The following VPS13C variants were observed in gnomAD, a reference collection of about 807,000 sequenced individuals.
VPS13C encodes the protein intermembrane lipid transfer protein VPS13C.
In VPS13C, 358 loss-of-function variants were observed where a neutral mutation model predicts 456.8. The ratio of observed to expected loss-of-function variants is 0.78; its 90% CI spans 0.72 to 0.86. The LOEUF (loss-of-function observed/expected upper bound fraction) is 0.86, where lower values mean the gene tolerates loss of function less well. Among genes scored for constraint, VPS13C ranks in the 40% least tolerant of loss-of-function variants. The pLI is 0.00. For missense variants in VPS13C, 4,818 were observed against 4,385.4 expected, an observed-to-expected ratio of 1.10 and a Z score of -2.79; for synonymous variants, 1,578 against 1,486.7, an observed-to-expected ratio of 1.06 and a Z score of -1.41.
chr15:61,922,284 T>G, intron 54 of VPS13C, 113 bp downstream of exon 54: 1 of 1,307,488 alleles, frequency 7.6e-7, no homozygotes, highest in East Asian at 2.3e-5. Flanking sequence ...GAACACACTA[T>G]CTATTCACAT....
intron 15 of VPS13C, among the ~76,000 whole-genome samples, chr15:62,003,140 C>T (rs1296294359): frequency 2.6e-5 from 4 of 152,050 alleles, no homozygotes; most frequent in African/African-American, 7.3e-5. Flanking sequence ...ATTGATTCTT[C>T]CTATCCATGA....
chr15:61,877,153 T>TGTGAAAGAATTGG, intron 74 of VPS13C, 99 bp from the exon 75 acceptor site: 1 of 789,140 alleles, frequency 1.3e-6, no homozygotes, highest in Non-Finnish European at 2.0e-6. Context: ...CATAGCCAAT[T>TGTGAAAGAATTGG]CTTTCACAAT....
In VPS13C at chr15:61,947,412, G is replaced by C; in HGVS notation, c.4760-103C>G. 4 of 762,806 alleles carry C rather than the reference G, an allele frequency of 5.2e-6. No homozygotes were observed. The East Asian group carries it at 1.2e-4, about 22-fold the overall frequency. 47.3% of individuals were successfully genotyped at this position (762,806 alleles called of 1,614,324 possible). A position where few individuals can be genotyped will look rare whatever the true frequency, so the allele number is the denominator to read the frequency against. On this transcript the variant is annotated intron_variant, in intron 42 of 84. Coordinates refer to ENST00000644861, the MANE Select transcript of VPS13C (RefSeq NM_020821.3). Reference sequence around the variant, plus strand: ...AATAAAAGTACCCAATGTACTCTGAGGAACCAAAATGCCCTCCATTAAGAT... The same window carrying C: ...AATAAAAGTACCCAATGTACTCTGACGAACCAAAATGCCCTCCATTAAGAT...
intron 52 of VPS13C, among the ~76,000 whole-genome samples, chr15:61,926,254 A>G (rs2043845418): frequency 1.3e-5 from 2 of 152,160 alleles, no homozygotes; most frequent in African/African-American, 4.8e-5. Flanking sequence ...TAATTAAAAA[A>G]CAAAAACAAA....
chr15:62,007,345 T>A lies in VPS13C; in HGVS notation c.1253A>T (p.Gln418Leu). ...CTGTATTTCTTCTGAGACTTTAGAC[T>A]GTGTTAACTTGTTTTTGTAGGCAAT... ...YKIAYKNKLT[Q>L]SKVSEEIQKE... Residue 418 changes from glutamine (Q) to leucine (L), a missense_variant, in exon 15 of 85, where the codon CAG (glutamine) becomes CTG (leucine). Gln to Leu is a moderately radical substitution (Grantham distance 113). Around this residue, in one of 3 missense-constraint regions of VPS13C, gnomAD observed 4,552 missense variants for 4,130.6 expected, o/e 1.10. Coordinates refer to ENST00000644861, the MANE Select transcript of VPS13C (RefSeq NM_020821.3). The A allele has an allele frequency of 3.1e-6, 5 of 1,611,146 alleles. No individual in the cohort carries two copies. The highest frequency in any genetic ancestry group is 4.2e-6 in the Non-Finnish European group (5 of 1,178,962).
At chr15:61,860,473 TC>T (rs1402640669) in intron 82 of VPS13C, among the ~76,000 whole-genome samples, 2 of 151,976 alleles carry the variant, frequency 1.3e-5, no homozygotes, top group Admixed American at 1.3e-4. Context: ...AAATTAGCAA[TC>T]CCCCTTTTAA....
chr15:62,023,819 G>T lies in VPS13C; in HGVS notation c.475C>A (p.His159Asn). ...PGRKRKKHKK[H>N]FKKPFKGLDR... is the part of the protein sequence containing the mutation. ...AGACCTTTAAAAGGTTTCTTAAAAT[G>T]TTTTTTGTGCTTTTTACGTTTACGT... Residue 159 changes from histidine (H) to asparagine (N), a missense_variant, in exon 7 of 85, where the codon CAT (histidine) becomes AAT (asparagine). This residue lies in a region of VPS13C where 4,552 missense variants were observed against 4,130.6 expected (regional missense o/e 1.10). Transcript: ENST00000644861. 6.2e-7 allele frequency: 1 copy of T among 1,610,908 alleles called. No homozygotes were observed. The highest frequency in any genetic ancestry group is 8.5e-7 in the Non-Finnish European group (1 of 1,178,302).
intron 18 of VPS13C, among the ~76,000 whole-genome samples, chr15:61,985,514 C>T (rs1436131564): frequency 6.6e-6 from 1 of 152,186 alleles, no homozygotes. Context: ...ACCTCAGCCT[C>T]CCAGAGTGCT....
At position 62,010,675 on chromosome 15, in the gene VPS13C, A is replaced by G. The variant is rs569650044; in HGVS notation, c.884-76T>C. On this transcript the variant is annotated intron_variant, in intron 12 of 84. Coordinates refer to ENST00000644861, the MANE Select transcript of VPS13C (RefSeq NM_020821.3). The stretch of plus-strand genomic sequence containing the variant: ...AACAAGTGTAAATAATTATGAGAAC[A>G]CTGTTACTCTAGAAGTAAAGAAAAA... The G allele has an allele frequency of 1.0e-4, 139 of 1,353,764 alleles. 1 individual carries two copies. The East Asian group carries it at 3.6e-3, about 35-fold the overall frequency. 83.9% of individuals were successfully genotyped at this position (1,353,764 alleles called of 1,614,324 possible). A position where few individuals can be genotyped will look rare whatever the true frequency, so the allele number is the denominator to read the frequency against.
intron 6 of VPS13C, among the ~76,000 whole-genome samples, chr15:62,027,554 T>C (rs1436717077): frequency 1.3e-5 from 2 of 152,086 alleles, no homozygotes; most frequent in African/African-American, 4.8e-5. Context: ...CCTATTAAAG[T>C]TCCTAGCTAC....
intron 5 of VPS13C, among the ~76,000 whole-genome samples, chr15:62,029,057 G>A (rs2047729176): frequency 6.6e-6 from 1 of 152,040 alleles, no homozygotes; most frequent in South Asian, 2.1e-4. Flanking sequence ...GCTGGCTATG[G>A]ATGAAAGTTC....
At chr15:61,876,945 C>T (rs373967820) in intron 75 of VPS13C, 28 bp downstream of exon 75, 1 of 1,524,932 alleles carries the variant, frequency 6.6e-7, no homozygotes, top group African/African-American at 1.4e-5. Context: ...AAGTATATTC[C>T]TTATGAAATA....
At chr15:61,927,993 G>A (rs1270240324) in intron 51 of VPS13C, among the ~76,000 whole-genome samples, 1 of 147,332 alleles carries the variant, frequency 6.8e-6, no homozygotes, top group Non-Finnish European at 1.5e-5. Context: ...ACTGAACAAT[G>A]AGAACACATG....
intron 66 of VPS13C, among the ~76,000 whole-genome samples, chr15:61,906,449 T>C (rs374616819): frequency 6.6e-6 from 1 of 152,200 alleles, no homozygotes; most frequent in East Asian, 1.9e-4. Flanking sequence ...CAGAATGTCA[T>C]TGCTACCTTC....
chr15:61,897,914 C>A (rs1018155691), intron 66 of VPS13C, among the ~76,000 whole-genome samples: 1 of 152,102 alleles, frequency 6.6e-6, no homozygotes, highest in South Asian at 2.1e-4. Context: ...TCGGCAGAAA[C>A]CATACAAGCC....
Position 61,956,987 on chromosome 15 carries a change from G to A in VPS13C, c.4165+1621C>T, listed in dbSNP as rs141236880. ...CCAAAAAAAAAGTGTATATAACTAC[G>A]TCAAAGACACACAATAACATTCATA... On this transcript the variant is annotated intron_variant, in intron 37 of 84. Transcript: ENST00000644861. 6.9e-3 allele frequency among the ~76,000 whole-genome samples: 1,051 copies of A among 152,116 alleles called. 9 individuals carry two copies. The highest frequency in any genetic ancestry group is 0.024 in the African/African-American group (1,003 of 41,502).
At chr15:61,946,655 A>G (rs1360834190) in intron 43 of VPS13C, among the ~76,000 whole-genome samples, 1 of 151,474 alleles carries the variant, frequency 6.6e-6, no homozygotes, top group East Asian at 1.9e-4. Flanking sequence ...AACCAAAAAA[A>G]AAAACCCACC....
rs200965872 is a variant in VPS13C, at chr15:61,927,203, T to G, written c.6404A>C (p.Asn2135Thr). ...GAGTTTGGATGTTGACAGAGAAAGG[T>G]TGCACTGAAACGAGGCTGTCAGAGC... ...APALTASFQCNLSLSTSKLEQ... is the reference protein window; with the variant it reads ...APALTASFQCTLSLSTSKLEQ... Residue 2135 changes from asparagine (N) to threonine (T), a missense_variant, in exon 52 of 85, where the codon AAC (asparagine) becomes ACC (threonine). Physicochemically the swap from Asn to Thr is moderately conservative, Grantham distance 65. Coordinates refer to ENST00000644861, the MANE Select transcript of VPS13C (RefSeq NM_020821.3). 6 of 1,614,038 alleles carry G rather than the reference T, an allele frequency of 3.7e-6. No individual in the cohort carries two copies. The highest frequency in any genetic ancestry group is 8.5e-7 in the Non-Finnish European group (1 of 1,180,036).
intron 15 of VPS13C, among the ~76,000 whole-genome samples, chr15:62,005,947 G>A (rs1040332631): frequency 2.1e-4 from 31 of 151,062 alleles, no homozygotes; most frequent in African/African-American, 5.8e-4. Flanking sequence ...CAGGTGATCC[G>A]CCCGCCTCAG....
Sources: allele counts gnomAD v4.1 joint callset (sites outside exome capture counted in the v4.1 genomes callset), GRCh38; gene constraint gnomAD v4.1.1; regional missense constraint gnomAD v4.1.1; transcripts MANE v1.5; gene names NCBI Gene and HGNC (gene_info 2026-07-23, HGNC 2026-07-21).